The following PLD5 variants were observed in gnomAD, a reference collection of about 807,000 sequenced individuals.
PLD5 encodes the protein inactive phospholipase D5.
PLD5 carries 36 observed loss-of-function variants against 61.1 expected under a neutral mutation model. The observed-to-expected ratio is 0.59, with a 90% CI of 0.45 to 0.78. PLD5 has a LOEUF of 0.78. Among genes scored for constraint, PLD5 ranks in the 30% least tolerant of loss-of-function variants. PLD5 has a pLI of 0.00. For synonymous variants in PLD5, 243 were observed against 242.8 expected, an observed-to-expected ratio of 1.00 and a Z score of -0.01; for missense variants, 515 against 644.4, an observed-to-expected ratio of 0.80 and a Z score of 2.17.
intron 1 of PLD5, among the ~76,000 whole-genome samples, chr1:242,520,559 T>G (rs1264092316): frequency 6.6e-6 from 1 of 152,154 alleles, no homozygotes; most frequent in East Asian, 1.9e-4. Flanking sequence ...TGACAGGAGC[T>G]AATTGAATAA....
chr1:242,425,570 A>T (rs1429272860), intron 1 of PLD5, among the ~76,000 whole-genome samples: 1 of 151,946 alleles, frequency 6.6e-6, no homozygotes, highest in Non-Finnish European at 1.5e-5. Context: ...CTATATGCTT[A>T]GGCTACACTA....
chr1:242,390,026 T>A (rs545262907), intron 1 of PLD5, among the ~76,000 whole-genome samples: 3 of 146,898 alleles, frequency 2.0e-5, no homozygotes, highest in Non-Finnish European at 3.0e-5. Flanking sequence ...TAATAATTAT[T>A]ATTATTATTA....
chr1:242,143,837 C>T (rs951612649), intron 5 of PLD5, among the ~76,000 whole-genome samples: 9 of 151,168 alleles, frequency 6.0e-5, no homozygotes, highest in Non-Finnish European at 1.2e-4. Flanking sequence ...TTATTTCTTT[C>T]CTTTTTTTTT....
chr1:242,470,976 T>C (rs1667433156), intron 1 of PLD5, among the ~76,000 whole-genome samples: 2 of 152,232 alleles, frequency 1.3e-5, no homozygotes, highest in African/African-American at 4.8e-5. Flanking sequence ...GCCAGGTCTC[T>C]GGCACGAAAA....
chr1:242,215,658 A>G (rs1029974477), intron 5 of PLD5, among the ~76,000 whole-genome samples: 1 of 152,146 alleles, frequency 6.6e-6, no homozygotes, highest in Non-Finnish European at 1.5e-5. Flanking sequence ...GCATCAAACC[A>G]TAGCATGGCA....
At chr1:242,239,452 G>A (rs58553175) in intron 4 of PLD5, among the ~76,000 whole-genome samples, 12,950 of 152,162 alleles carry the variant, frequency 0.085, 707 homozygotes, top group East Asian at 0.16. Context: ...TATAACCATC[G>A]GAATTATCAA....
At chr1:242,341,668 T>C (rs1422392540) in intron 2 of PLD5, among the ~76,000 whole-genome samples, 1 of 141,270 alleles carries the variant, frequency 7.1e-6, no homozygotes, top group African/African-American at 2.6e-5. Flanking sequence ...TGGAAACTTA[T>C]ACATTGGTTA....
intron 1 of PLD5, among the ~76,000 whole-genome samples, chr1:242,475,345 C>A (rs1233948266): frequency 6.7e-6 from 1 of 148,936 alleles, no homozygotes; most frequent in African/African-American, 2.5e-5. Context: ...ATGGCGTGAA[C>A]CCGGGAAGCG....
intron 1 of PLD5, among the ~76,000 whole-genome samples, chr1:242,512,141 G>A (rs902382877): frequency 6.6e-6 from 1 of 151,828 alleles, no homozygotes; most frequent in African/African-American, 2.4e-5. Context: ...GTTGGGTGCG[G>A]TGGTTCACGC....
At chr1:242,386,099 G>A (rs1343460931) in intron 1 of PLD5, among the ~76,000 whole-genome samples, 2 of 152,068 alleles carry the variant, frequency 1.3e-5, no homozygotes, top group Non-Finnish European at 2.9e-5. Context: ...CCCTACATGT[G>A]TCTGTCTCTG....
chr1:242,109,444 C>T (rs1406408418), intron 7 of PLD5, among the ~76,000 whole-genome samples: 1 of 152,114 alleles, frequency 6.6e-6, no homozygotes, highest in Non-Finnish European at 1.5e-5. Flanking sequence ...TGCCACTGCA[C>T]TCCAGCCTGG....
intron 1 of PLD5, among the ~76,000 whole-genome samples, chr1:242,410,902 TAG>T (rs774781505): frequency 2.6e-5 from 4 of 151,702 alleles, no homozygotes; most frequent in Non-Finnish European, 5.9e-5. Flanking sequence ...TGATCAGAAT[TAG>T]AGTGTTGGAC....
At chr1:242,308,368 C>T (rs2488178) in intron 2 of PLD5, among the ~76,000 whole-genome samples, 3 of 152,040 alleles carry the variant, frequency 2.0e-5, no homozygotes, top group Admixed American at 1.3e-4. Context: ...GAAACCAGGC[C>T]GAAGTCTGTC....
intron 1 of PLD5, among the ~76,000 whole-genome samples, chr1:242,512,014 G>A (rs72765076): frequency 0.079 from 11,967 of 152,182 alleles, 917 homozygotes; most frequent in African/African-American, 0.2. Flanking sequence ...ATCGTGGGTT[G>A]AAGTGATAGG....
intron 1 of PLD5, among the ~76,000 whole-genome samples, chr1:242,471,700 C>T (rs1449437683): frequency 6.6e-6 from 1 of 152,134 alleles, no homozygotes; most frequent in Non-Finnish European, 1.5e-5. Context: ...ACACAATACA[C>T]AATGACAACA....
intron 5 of PLD5, among the ~76,000 whole-genome samples, chr1:242,151,329 C>T (rs1300245333): frequency 2.0e-5 from 3 of 151,914 alleles, no homozygotes; most frequent in Admixed American, 6.6e-5. Flanking sequence ...TGTAGTGCAG[C>T]TCTGTTGGTA....
At chr1:242,499,770 T>C (rs1217443071) in intron 1 of PLD5, among the ~76,000 whole-genome samples, 2 of 150,412 alleles carry the variant, frequency 1.3e-5, no homozygotes, top group East Asian at 3.9e-4. Flanking sequence ...TCATGGATTG[T>C]GCAGGCAGGA....
chr1:242,300,663 G>T (rs1466647594), intron 2 of PLD5, among the ~76,000 whole-genome samples: 2 of 151,686 alleles, frequency 1.3e-5, no homozygotes, highest in African/African-American at 4.8e-5. Context: ...GTGATGAAAA[G>T]ACACAGTGGA....
intron 5 of PLD5, among the ~76,000 whole-genome samples, chr1:242,197,823 G>A (rs914218938): frequency 6.6e-6 from 1 of 151,916 alleles, no homozygotes; most frequent in Non-Finnish European, 1.5e-5. Flanking sequence ...TTGCAAAGAC[G>A]GGGTTTCGCC....
Sources: allele counts gnomAD v4.1 joint callset (sites outside exome capture counted in the v4.1 genomes callset), GRCh38; gene constraint gnomAD v4.1.1; transcripts MANE v1.5; gene names NCBI Gene and HGNC (gene_info 2026-07-23, HGNC 2026-07-21).